Variants in RPS12 observed in about 807,000 individuals in gnomAD.
RPS12 encodes small ribosomal subunit protein eS12.
Under a neutral mutation model 17.2 loss-of-function variants are expected in RPS12, and 1 was observed. That is an observed-to-expected ratio of 0.06 (90% CI 0.02 to 0.28). The LOEUF is 0.28. Ranked by LOEUF, RPS12 falls within the 10% of genes least tolerant of loss-of-function variation. The probability of loss-of-function intolerance (pLI) is 1.00; values close to 1 mark genes in which losing one functional copy is unlikely to be tolerated. For synonymous variants in RPS12, 67 were observed against 54.0 expected (o/e 1.24, Z -1.06); for missense variants, 146 against 162.1 (o/e 0.90, Z 0.54).
intron 2 of RPS12, 27 bp downstream of exon 2, chr6:132,814,809 T>TGGGGTC (rs1215598102): frequency 6.2e-7 from 1 of 1,606,870 alleles, no homozygotes. Flanking sequence ...GGGTTGGAGT[T>TGGGGTC]GGGGTCGGGG....
At position 132,816,976 on chromosome 6, in the gene RPS12, A is replaced by G; in HGVS notation, c.251A>G (p.Lys84Arg). 1 of 1,610,754 alleles carries G rather than the reference A, an allele frequency of 6.2e-7. No individual in the cohort carries two copies. Among genetic ancestry groups the G allele is most frequent in the Non-Finnish European group, 8.5e-7 (1 of 1,177,092 alleles). The change falls in exon 5 of 6, where the codon AAA becomes AGA. Residue 84 changes from lysine (K) to arginine (R), a missense_variant. By Grantham distance (26) the Lys-to-Arg change is conservative (BLOSUM62 2). Transcript: ENST00000230050. ...INLIKVDDNK[K>R]LGEWVGLCKI... ...TCCCAATAGGTTGATGACAACAAGAAACTAGGAGAATGGGTAGGCCTTTGT... is the reference window on the plus strand; with the variant it reads ...TCCCAATAGGTTGATGACAACAAGAGACTAGGAGAATGGGTAGGCCTTTGT...
At chr6:132,815,224 G>A (rs948061026) in intron 3 of RPS12, 136 bp downstream of exon 3, 6 of 747,444 alleles carry the variant, frequency 8.0e-6, no homozygotes, top group African/African-American at 5.2e-5. Context: ...CCTAGGAAAA[G>A]GTATCAGAAC....
Position 132,814,747 on chromosome 6 carries a change from A to T in RPS12, c.-22A>T, listed in dbSNP as rs9483504. 1 of 1,611,830 alleles carries T rather than the reference A, an allele frequency of 6.2e-7. No individual in the cohort carries two copies. Among genetic ancestry groups the T allele is most frequent in the East Asian group, 2.2e-5 (1 of 44,828 alleles). On this transcript the variant is annotated 5_prime_UTR_variant, in exon 2 of 6. Coordinates refer to ENST00000230050, the MANE Select transcript of RPS12 (RefSeq NM_001016.4). ...TGTTTTTTAGTGCGTTCAAGATTCAACTTCACCCGTAACCCACCGCCATGG... is the reference window on the plus strand; with the variant it reads ...TGTTTTTTAGTGCGTTCAAGATTCATCTTCACCCGTAACCCACCGCCATGG...
At chr6:132,816,707 T>A in intron 4 of RPS12, 144 bp downstream of exon 4, 1 of 778,554 alleles carries the variant, frequency 1.3e-6, no homozygotes, top group East Asian at 2.4e-5. Flanking sequence ...TAAAGATGAT[T>A]GTAGGTAGAA....
Position 132,814,621 on chromosome 6 carries a change from GA to G in RPS12, c.-38+9del. ...CGGAGGCGGAGGCTTGGGGTAAGTT[GA>G]GCGAGGCGGCAGGGGGGTGTATTGG... On this transcript the variant is annotated intron_variant, in intron 1 of 5. Transcript: ENST00000230050. 1.0e-6 allele frequency: 1 copy of G among 997,926 alleles called. No individual in the cohort carries two copies. Among genetic ancestry groups the G allele is most frequent in the East Asian group, 2.4e-5 (1 of 42,154 alleles). 61.8% of individuals were successfully genotyped at this position (997,926 alleles called of 1,614,324 possible). A position where few individuals can be genotyped will look rare whatever the true frequency, so the allele number is the denominator to read the frequency against.
At chr6:132,815,554 T>G (rs1782030062) in intron 3 of RPS12, 1 of 436,096 alleles carries the variant, frequency 2.3e-6, no homozygotes, top group Non-Finnish European at 4.6e-6. Context: ...GTGATTTATT[T>G]GAATTTGGGA....
At chr6:132,815,680 A>C (rs1171245376) in intron 3 of RPS12, 1 of 456,548 alleles carries the variant, frequency 2.2e-6, no homozygotes, top group East Asian at 6.9e-5. Context: ...TTACAGGACA[A>C]GTTCGTTTTG....
intron 2 of RPS12, 86 bp downstream of exon 2, chr6:132,814,868 C>T (rs1353584612): frequency 6.9e-7 from 1 of 1,449,556 alleles, no homozygotes; most frequent in Non-Finnish European, 9.7e-7. Flanking sequence ...CTGGGTCAAA[C>T]GGGTCGCCGT....
At chr6:132,816,056 A>G in intron 3 of RPS12, 1 of 384,266 alleles carries the variant, frequency 2.6e-6, no homozygotes, top group Non-Finnish European at 5.1e-6. Context: ...CTGGTCTGGT[A>G]CTCCTGACCT....
At chr6:132,816,860 C>T (rs769124938) in intron 4 of RPS12, 100 bp from the exon 5 acceptor site, 9 of 848,766 alleles carry the variant, frequency 1.1e-5, no homozygotes, top group Non-Finnish European at 1.8e-5. Context: ...ACTGCCATGT[C>T]ACCCTTCTGA....
chr6:132,816,232 T>C (rs1392697351), intron 3 of RPS12, among the ~76,000 whole-genome samples: 1 of 152,152 alleles, frequency 6.6e-6, no homozygotes, highest in Non-Finnish European at 1.5e-5. Context: ...ACCAATTCAG[T>C]GTGTCAGGGA....
At position 132,814,716 on chromosome 6, in the gene RPS12, T is replaced by C. The variant is rs1782002385; in HGVS notation, c.-37-16T>C. The C allele has an allele frequency of 6.2e-7, 1 of 1,601,502 alleles. No homozygotes were observed. The highest frequency in any genetic ancestry group is 1.7e-5 in the Admixed American group (1 of 59,978). On this transcript the variant is annotated splice_polypyrimidine_tract_variant and intron_variant, in intron 1 of 5. Coordinates refer to ENST00000230050, the MANE Select transcript of RPS12 (RefSeq NM_001016.4). ...AGTATCTGGTTCTTTAACAAGTCAA[T>C]GCTTTTGTTTTTTAGTGCGTTCAAG...
At chr6:132,814,848 C>T (rs566295400) in intron 2 of RPS12, 66 bp downstream of exon 2, 9 of 1,496,550 alleles carry the variant, frequency 6.0e-6, no homozygotes, top group South Asian at 4.5e-5. Context: ...CTAGAGCTGG[C>T]GGAACAGGAC....
intron 3 of RPS12, chr6:132,815,825 A>C (rs1411443298): frequency 4.7e-6 from 2 of 426,862 alleles, no homozygotes; most frequent in Non-Finnish European, 9.1e-6. Context: ...TTAATGCCAC[A>C]GTCTTTTTTT....
intron 4 of RPS12, 47 bp downstream of exon 4, chr6:132,816,610 G>C (rs1243766784): frequency 1.6e-6 from 2 of 1,219,742 alleles, no homozygotes; most frequent in South Asian, 1.2e-5. Flanking sequence ...AGTGATGCTT[G>C]TATATGGGGG....
intron 4 of RPS12, 32 bp from the exon 5 acceptor site, chr6:132,816,928 A>ATT (rs34924584): frequency 9.2e-5 from 112 of 1,223,974 alleles, no homozygotes; most frequent in Middle Eastern, 3.8e-4. Context: ...TATTAATGTG[A>ATT]TTTTTTTTTT....
At chr6:132,816,242 A>G (rs1260305956) in intron 3 of RPS12, among the ~76,000 whole-genome samples, 1 of 152,164 alleles carries the variant, frequency 6.6e-6, no homozygotes, top group Non-Finnish European at 1.5e-5. Flanking sequence ...TGTGTCAGGG[A>G]CAGAGGTTTT....
chr6:132,815,187 T>A (rs1782017732), intron 3 of RPS12, 99 bp downstream of exon 3: 6 of 805,440 alleles, frequency 7.4e-6, no homozygotes, highest in Non-Finnish European at 1.3e-5. Flanking sequence ...GCGCAAAAGT[T>A]CTGAATGGCA....
At chr6:132,816,799 A>G (rs1484439156) in intron 4 of RPS12, 161 bp from the exon 5 acceptor site, 3 of 770,820 alleles carry the variant, frequency 3.9e-6, no homozygotes, top group South Asian at 2.7e-5. Flanking sequence ...AGGTGATCTT[A>G]GTGCTGTACA....
Sources: gnomAD v4.1 joint callset for allele counts (sites outside exome capture counted in the v4.1 genomes callset) on GRCh38, gnomAD v4.1.1 for gene constraint, MANE v1.5 for transcripts, NCBI Gene and HGNC (gene_info 2026-07-23, HGNC 2026-07-21) for gene names.